The following FBXL13 variants were observed in gnomAD, a reference collection of about 807,000 sequenced individuals.
FBXL13 encodes the protein F-box and leucine rich repeat protein 13.
In FBXL13, 67 loss-of-function variants were observed where a neutral mutation model predicts 83.6. The observed-to-expected ratio is 0.80, with a 90% CI of 0.66 to 0.98. The LOEUF is 0.98. Ranked by LOEUF, FBXL13 falls within the 50% of genes least tolerant of loss-of-function variation. FBXL13 has a pLI of 0.00. For synonymous variants in FBXL13, 272 were observed against 299.5 expected (o/e 0.91, Z 0.95); for missense variants, 822 against 866.5 (o/e 0.95, Z 0.64).
intron 6 of FBXL13, among the ~76,000 whole-genome samples, chr7:103,016,318 G>C (rs901697041): frequency 4.3e-5 from 6 of 138,478 alleles, no homozygotes; most frequent in Non-Finnish European, 8.0e-5. Flanking sequence ...ACAGAAATGT[G>C]GGGGGGGTGG....
intron 16 of FBXL13, among the ~76,000 whole-genome samples, chr7:102,858,172 C>T (rs917747923): frequency 3.3e-5 from 5 of 152,132 alleles, no homozygotes; most frequent in African/African-American, 1.2e-4. Context: ...GCCTGGAGGA[C>T]ATGATGTTAA....
intron 8 of FBXL13, among the ~76,000 whole-genome samples, chr7:102,949,636 C>T (rs1364079195): frequency 6.6e-6 from 1 of 152,170 alleles, no homozygotes; most frequent in Non-Finnish European, 1.5e-5. Context: ...GGCTTGAATG[C>T]TCAGTTGTTT....
At chr7:102,996,881 A>G (rs947964656) in intron 6 of FBXL13, among the ~76,000 whole-genome samples, 1 of 152,158 alleles carries the variant, frequency 6.6e-6, no homozygotes, top group Admixed American at 6.5e-5. Context: ...CTGGCCTTGG[A>G]CTGCTTTTCT....
intron 2 of FBXL13, among the ~76,000 whole-genome samples, chr7:103,034,988 C>A (rs544354242): frequency 3.9e-5 from 6 of 152,318 alleles, no homozygotes; most frequent in Non-Finnish European, 7.3e-5. Flanking sequence ...AGTATTGCCA[C>A]AAAGTGGTAC....
chr7:102,848,749 T>C (rs1379387481), intron 17 of FBXL13, among the ~76,000 whole-genome samples: 2 of 151,888 alleles, frequency 1.3e-5, no homozygotes, highest in African/African-American at 4.8e-5. Flanking sequence ...ATTCCAGCAG[T>C]TTGGGAGGCC....
chr7:102,944,462 G>T (rs1478823142), intron 8 of FBXL13: 1 of 1,613,970 alleles, frequency 6.2e-7, no homozygotes. Context: ...AAATATATTA[G>T]AAGTTACTAT....
chr7:103,014,007 C>A (rs951468794), intron 6 of FBXL13, among the ~76,000 whole-genome samples: 3 of 152,122 alleles, frequency 2.0e-5, no homozygotes, highest in Admixed American at 6.6e-5. Context: ...ATTATGAACA[C>A]TTCTATACAC....
chr7:102,943,739 GGAA>G (rs1180220662), intron 8 of FBXL13, among the ~76,000 whole-genome samples: 2 of 152,128 alleles, frequency 1.3e-5, no homozygotes, highest in Non-Finnish European at 2.9e-5. Context: ...GAATCCTTAA[GGAA>G]GAAGATTTGA....
intron 10 of FBXL13, among the ~76,000 whole-genome samples, chr7:102,921,100 C>T (rs960077301): frequency 2.0e-5 from 3 of 152,014 alleles, no homozygotes; most frequent in African/African-American, 7.2e-5. Flanking sequence ...TGCAGTGAGC[C>T]GAGATCACTT....
At chr7:102,984,458 A>G (rs1006428691) in intron 6 of FBXL13, among the ~76,000 whole-genome samples, 1 of 152,366 alleles carries the variant, frequency 6.6e-6, no homozygotes, top group South Asian at 2.1e-4. Flanking sequence ...AAGGCCAAGA[A>G]GTCCAAGACC....
intron 1 of FBXL13, among the ~76,000 whole-genome samples, chr7:103,073,262 T>C (rs910537664): frequency 3.9e-5 from 6 of 152,202 alleles, no homozygotes; most frequent in African/African-American, 1.2e-4. Context: ...TGAAATCAAA[T>C]GGACAGCTAG....
chr7:102,896,306 C>T (rs1812244797), intron 11 of FBXL13, among the ~76,000 whole-genome samples: 1 of 152,038 alleles, frequency 6.6e-6, no homozygotes. Context: ...TTGCAGGAGG[C>T]AGGGGTGAAA....
chr7:102,891,472 C>G (rs888486820), intron 11 of FBXL13, among the ~76,000 whole-genome samples: 2 of 152,208 alleles, frequency 1.3e-5, no homozygotes, highest in African/African-American at 4.8e-5. Flanking sequence ...TGGACAGCAT[C>G]TTAGCCATAA....
intron 14 of FBXL13, among the ~76,000 whole-genome samples, chr7:102,880,675 G>A (rs958526018): frequency 7.9e-5 from 12 of 152,076 alleles, no homozygotes; most frequent in African/African-American, 2.4e-4. Context: ...CTTTCTCATG[G>A]TGACTTATAT....
At chr7:102,943,443 A>C (rs1192984184) in intron 8 of FBXL13, among the ~76,000 whole-genome samples, 1 of 152,228 alleles carries the variant, frequency 6.6e-6, no homozygotes, top group African/African-American at 2.4e-5. Flanking sequence ...AATATATTTC[A>C]CAATTTTGCA....
intron 1 of FBXL13, among the ~76,000 whole-genome samples, chr7:103,070,224 A>G (rs940086248): frequency 2.0e-5 from 3 of 152,058 alleles, no homozygotes; most frequent in African/African-American, 4.8e-5. Context: ...AATTTTATGT[A>G]TTTATTTTAT....
chr7:102,984,009 T>C (rs1338344062), intron 6 of FBXL13, among the ~76,000 whole-genome samples: 3 of 152,186 alleles, frequency 2.0e-5, no homozygotes, highest in South Asian at 4.1e-4. Context: ...CCTAATTATA[T>C]TCATGTGATT....
rs1214193853 is a variant in FBXL13 at position 102,893,394 on chromosome 7, G to C, written c.1009-9082C>G. On this transcript the variant is annotated intron_variant, in intron 11 of 19. Coordinates refer to ENST00000313221, the Ensembl canonical transcript of FBXL13. ...GCCATTCTACAGGTGAAGGAATCGA[G>C]GCAGAAAAACCAAGTAACTCCAAGG... Among the ~76,000 whole-genome samples, 3 of 147,132 alleles carry C rather than the reference G, an allele frequency of 2.0e-5. No individual in the cohort carries two copies. In the East Asian group the frequency reaches 5.8e-4, roughly 28 times the overall value.
chr7:102,916,479 A>G (rs1178601089), intron 10 of FBXL13, among the ~76,000 whole-genome samples: 1 of 152,234 alleles, frequency 6.6e-6, no homozygotes, highest in African/African-American at 2.4e-5. Context: ...TCATGGAACC[A>G]TCAGTTTGAA....
Sources: gnomAD v4.1 joint callset for allele counts (sites outside exome capture counted in the v4.1 genomes callset) on GRCh38, gnomAD v4.1.1 for gene constraint, MANE v1.5 for transcripts, NCBI Gene and HGNC (gene_info 2026-07-23, HGNC 2026-07-21) for gene names.